Variants in LRRIQ3 observed in about 807,000 individuals in gnomAD.
LRRIQ3 encodes the protein leucine rich repeats and IQ motif containing 3.
In LRRIQ3, 75 loss-of-function variants were observed where a neutral mutation model predicts 59.3. The ratio of observed to expected loss-of-function variants is 1.26; its 90% CI spans 1.05 to 1.53. The LOEUF is 1.53. Among genes scored for constraint, LRRIQ3 ranks in the 40% most tolerant of loss-of-function variants. LRRIQ3 has a pLI of 0.00. For synonymous variants in LRRIQ3, 250 were observed against 231.3 expected (o/e 1.08, Z -0.73); for missense variants, 831 against 710.0 (o/e 1.17, Z -1.94).
At chr1:74,106,833 T>C (rs894971961) in intron 5 of LRRIQ3, among the ~76,000 whole-genome samples, 2 of 152,028 alleles carry the variant, frequency 1.3e-5, no homozygotes, top group African/African-American at 4.8e-5. Context: ...TTGGATTTAA[T>C]TGAACTCCCA....
intron 6 of LRRIQ3, among the ~76,000 whole-genome samples, chr1:74,044,392 G>A (rs1231108120): frequency 6.6e-6 from 1 of 152,070 alleles, no homozygotes; most frequent in Non-Finnish European, 1.5e-5. Context: ...TAGTTCATAT[G>A]AGAGCTAGTT....
intron 4 of LRRIQ3, among the ~76,000 whole-genome samples, chr1:74,132,047 AT>A (rs1485540460): frequency 6.6e-6 from 1 of 152,172 alleles, no homozygotes; most frequent in Non-Finnish European, 1.5e-5. Flanking sequence ...TACAAAATCA[AT>A]GTGCAAATAT....
At chr1:74,179,185 CCTT>C (rs1166793396) in intron 3 of LRRIQ3, among the ~76,000 whole-genome samples, 1 of 151,910 alleles carries the variant, frequency 6.6e-6, no homozygotes, top group Non-Finnish European at 1.5e-5. Flanking sequence ...AAATATATAT[CCTT>C]CTATGATATG....
intron 4 of LRRIQ3, chr1:74,144,396 C>A: frequency 3.4e-6 from 1 of 290,880 alleles, no homozygotes; most frequent in Non-Finnish European, 7.0e-6. Context: ...TAACATGAAA[C>A]ATTTCTTTAT....
intron 4 of LRRIQ3, among the ~76,000 whole-genome samples, chr1:74,135,103 A>G (rs1647099742): frequency 6.6e-6 from 1 of 151,968 alleles, no homozygotes; most frequent in South Asian, 2.1e-4. Flanking sequence ...TGGAGTGGGT[A>G]TTCTAATATT....
At chr1:74,189,542 C>A (rs747513613) in intron 1 of LRRIQ3, among the ~76,000 whole-genome samples, 2 of 152,088 alleles carry the variant, frequency 1.3e-5, no homozygotes, top group African/African-American at 4.8e-5. Context: ...CAGTGTTTGG[C>A]ACTTAATGAT....
intron 4 of LRRIQ3, among the ~76,000 whole-genome samples, chr1:74,149,608 AT>A (rs1329627224): frequency 6.6e-6 from 1 of 151,876 alleles, no homozygotes; most frequent in Non-Finnish European, 1.5e-5. Context: ...AAATATATTA[AT>A]TTTTTCATGT....
chr1:74,177,979 T>C lies in LRRIQ3; in HGVS notation c.573+4559A>G, dbSNP rs547708188. Among the ~76,000 whole-genome samples, 8 of 152,112 alleles carry C rather than the reference T, an allele frequency of 5.3e-5. No individual in the cohort carries two copies. The South Asian group carries it at 1.7e-3, about 32-fold the overall frequency. ...GGTATATGTTTTTGCATAATACTATTGTGCACATTAATGGTCAGAACTAAA... is the reference window on the plus strand; with the variant it reads ...GGTATATGTTTTTGCATAATACTATCGTGCACATTAATGGTCAGAACTAAA... On this transcript the variant is annotated intron_variant, in intron 3 of 7. Transcript: ENST00000354431.
intron 5 of LRRIQ3, among the ~76,000 whole-genome samples, chr1:74,093,338 A>G (rs956007947): frequency 1.3e-5 from 2 of 152,090 alleles, no homozygotes; most frequent in African/African-American, 4.8e-5. Flanking sequence ...TGTTTACTCT[A>G]TTTCAAAAGA....
intron 4 of LRRIQ3, among the ~76,000 whole-genome samples, chr1:74,125,935 T>A (rs1216204856): frequency 1.3e-5 from 2 of 151,768 alleles, no homozygotes; most frequent in Non-Finnish European, 3.0e-5. Flanking sequence ...TGGTGTTAGT[T>A]CTTCTTTAAT....
intron 6 of LRRIQ3, among the ~76,000 whole-genome samples, chr1:74,068,818 T>C (rs1654940156): frequency 6.6e-6 from 1 of 150,924 alleles, no homozygotes; most frequent in African/African-American, 2.5e-5. Context: ...GCAAACAATT[T>C]AGGAGAATGG....
At chr1:74,154,332 T>C (rs902591084) in intron 4 of LRRIQ3, among the ~76,000 whole-genome samples, 1 of 148,502 alleles carries the variant, frequency 6.7e-6, no homozygotes, top group African/African-American at 2.5e-5. Flanking sequence ...TCATCTCAAT[T>C]CCCACAAATA....
chr1:74,128,226 A>G (rs568831752), intron 4 of LRRIQ3, among the ~76,000 whole-genome samples: 154 of 152,086 alleles, frequency 1.0e-3, no homozygotes, highest in Non-Finnish European at 2.0e-3. Context: ...TTTGGTGTAC[A>G]ATAGCTTTCT....
chr1:74,097,288 A>G (rs896951382), intron 5 of LRRIQ3, among the ~76,000 whole-genome samples: 4 of 152,214 alleles, frequency 2.6e-5, no homozygotes, highest in Non-Finnish European at 5.9e-5. Flanking sequence ...AGCCGATTCA[A>G]TCAACTGGAA....
In LRRIQ3 at chr1:74,162,105, TG is replaced by T. The variant is rs201094210; in HGVS notation, c.574-6240del. The stretch of plus-strand genomic sequence containing the variant: ...TGGAGATAACGATGGTACAACTCAC[TG>T]GGTTGTTGTGAGGTTTTAAGCATGC... On this transcript the variant is annotated intron_variant, in intron 3 of 7. Transcript: ENST00000354431. Among the ~76,000 whole-genome samples, 533 of 152,006 alleles carry T rather than the reference TG, an allele frequency of 3.5e-3. 8 individuals carry two copies. The highest frequency in any genetic ancestry group is 0.012 in the African/African-American group (496 of 41,524).
At chr1:74,116,798 A>G (rs1238427747) in intron 4 of LRRIQ3, among the ~76,000 whole-genome samples, 1 of 152,108 alleles carries the variant, frequency 6.6e-6, no homozygotes, top group African/African-American at 2.4e-5. Context: ...AATTTAAGCC[A>G]TTATGTATTA....
intron 3 of LRRIQ3, among the ~76,000 whole-genome samples, chr1:74,172,099 T>C (rs974279495): frequency 3.3e-5 from 5 of 152,140 alleles, no homozygotes; most frequent in African/African-American, 1.2e-4. Flanking sequence ...CCGTATTTCA[T>C]TTATTTTTGC....
chr1:74,184,663 G>A (rs1000360565), intron 1 of LRRIQ3, among the ~76,000 whole-genome samples: 19 of 152,150 alleles, frequency 1.2e-4, no homozygotes, highest in African/African-American at 3.9e-4. Context: ...TTAGAAGGCA[G>A]ATTCATGGGC....
At chr1:74,084,674 G>T (rs1646308213) in intron 5 of LRRIQ3, among the ~76,000 whole-genome samples, 1 of 151,616 alleles carries the variant, frequency 6.6e-6, no homozygotes, top group African/African-American at 2.4e-5. Flanking sequence ...AGGGGAAAAT[G>T]ACTTGGCATA....
Sources: allele counts gnomAD v4.1 joint callset (sites outside exome capture counted in the v4.1 genomes callset), GRCh38; gene constraint gnomAD v4.1.1; transcripts MANE v1.5; gene names NCBI Gene and HGNC (gene_info 2026-07-23, HGNC 2026-07-21).